The following CNTNAP5 variants were observed in gnomAD, a reference collection of about 807,000 sequenced individuals.
CNTNAP5 encodes the protein contactin associated protein family member 5, also known as contactin-associated protein-like 5.
CNTNAP5 carries 72 observed loss-of-function variants against 150.2 expected under a neutral mutation model. That is an observed-to-expected ratio of 0.48 (90% confidence interval 0.40 to 0.58). The LOEUF is 0.58. CNTNAP5 is among the 20% of genes least tolerant of loss of function. CNTNAP5 has a pLI of 0.00. For missense variants in CNTNAP5, 1,636 were observed against 1,626.2 expected (o/e 1.01, Z -0.10); for synonymous variants, 672 against 619.8 (o/e 1.08, Z -1.25).
intron 13 of CNTNAP5, among the ~76,000 whole-genome samples, chr2:124,697,862 C>T (rs1679436147): frequency 6.6e-6 from 1 of 152,152 alleles, no homozygotes; most frequent in Non-Finnish European, 1.5e-5. Context: ...TACATTATTT[C>T]AGCACCCTTA....
intron 7 of CNTNAP5, among the ~76,000 whole-genome samples, chr2:124,483,435 A>G (rs1191060084): frequency 6.6e-6 from 1 of 152,208 alleles, no homozygotes; most frequent in East Asian, 1.9e-4. Context: ...CATACCCTCC[A>G]TGCCTTATCA....
intron 1 of CNTNAP5, among the ~76,000 whole-genome samples, chr2:124,122,973 G>GCTGC (rs1211358566): frequency 1.3e-5 from 2 of 152,080 alleles, no homozygotes; most frequent in Non-Finnish European, 2.9e-5. Flanking sequence ...AATAGGAACA[G>GCTGC]CTGCAGTCTA....
chr2:124,316,606 C>A (rs539504780), intron 3 of CNTNAP5, among the ~76,000 whole-genome samples: 1 of 151,862 alleles, frequency 6.6e-6, no homozygotes, highest in South Asian at 2.1e-4. Flanking sequence ...GAGATTGAGA[C>A]TATCCTGGCT....
At chr2:124,864,575 A>T (rs1035100206) in intron 19 of CNTNAP5, among the ~76,000 whole-genome samples, 2 of 3,968 alleles carry the variant, frequency 5.0e-4, no homozygotes, top group South Asian at 0.012. Context: ...TCTGTGTCTC[A>T]CACACACACA....
At chr2:124,238,187 G>T (rs1027955023) in intron 2 of CNTNAP5, among the ~76,000 whole-genome samples, 1 of 152,152 alleles carries the variant, frequency 6.6e-6, no homozygotes, top group African/African-American at 2.4e-5. Context: ...TTGAGAGGCC[G>T]CTTGTAGCCC....
chr2:124,669,466 G>A (rs778566853), intron 13 of CNTNAP5, among the ~76,000 whole-genome samples: 1 of 152,112 alleles, frequency 6.6e-6, no homozygotes. Flanking sequence ...CTCCTTCCAC[G>A]TTAAACAAGA....
intron 3 of CNTNAP5, among the ~76,000 whole-genome samples, chr2:124,267,897 A>G (rs1485983978): frequency 6.6e-6 from 1 of 152,208 alleles, no homozygotes; most frequent in Non-Finnish European, 1.5e-5. Flanking sequence ...TAAAATATGC[A>G]GCTTCCGAGG....
chr2:124,079,739 G>A (rs1383711470), intron 1 of CNTNAP5, among the ~76,000 whole-genome samples: 1 of 152,174 alleles, frequency 6.6e-6, no homozygotes, highest in Non-Finnish European at 1.5e-5. Context: ...ACGTGTGTGT[G>A]TGCTGAGTCT....
intron 13 of CNTNAP5, among the ~76,000 whole-genome samples, chr2:124,746,016 A>G (rs776887913): frequency 8.5e-5 from 13 of 152,238 alleles, no homozygotes; most frequent in Non-Finnish European, 1.8e-4. Context: ...CATGTAAACT[A>G]GAATCTTGAT....
intron 3 of CNTNAP5, among the ~76,000 whole-genome samples, chr2:124,401,299 G>A (rs1029775310): frequency 2.0e-5 from 3 of 152,170 alleles, no homozygotes; most frequent in Non-Finnish European, 2.9e-5. Flanking sequence ...ATCTTTACAT[G>A]CACAACGCCT....
intron 1 of CNTNAP5, among the ~76,000 whole-genome samples, chr2:124,183,027 C>G (rs752185415): frequency 1.2e-4 from 18 of 152,300 alleles, no homozygotes; most frequent in Non-Finnish European, 2.4e-4. Flanking sequence ...GGAAGACCCT[C>G]CACCTTTTGC....
intron 1 of CNTNAP5, among the ~76,000 whole-genome samples, chr2:124,216,838 C>T (rs1477834187): frequency 6.6e-6 from 1 of 152,084 alleles, no homozygotes; most frequent in Non-Finnish European, 1.5e-5. Flanking sequence ...TGAATAGTGC[C>T]TCAATAAACA....
At chr2:124,715,744 A>G (rs968592163) in intron 13 of CNTNAP5, among the ~76,000 whole-genome samples, 3 of 152,160 alleles carry the variant, frequency 2.0e-5, no homozygotes, top group African/African-American at 7.2e-5. Context: ...TGCAATCTTC[A>G]TCTGGGTGAC....
At chr2:124,846,858 G>T (rs10168614) in intron 19 of CNTNAP5, among the ~76,000 whole-genome samples, 1 of 152,100 alleles carries the variant, frequency 6.6e-6, no homozygotes, top group African/African-American at 2.4e-5. Context: ...GTCTAGCCAC[G>T]CAGTAGAGCT....
chr2:124,638,094 GTGTT>G (rs1056918825), intron 12 of CNTNAP5, among the ~76,000 whole-genome samples: 9 of 151,610 alleles, frequency 5.9e-5, no homozygotes, highest in Non-Finnish European at 1.3e-4. Context: ...GTGTGTGTGT[GTGTT>G]TATGAGTTCA....
chr2:124,332,426 C>G (rs549566925), intron 3 of CNTNAP5, among the ~76,000 whole-genome samples: 1 of 151,122 alleles, frequency 6.6e-6, no homozygotes, highest in Admixed American at 6.6e-5. Context: ...CAATTTTATA[C>G]TTTCTATAAA....
At chr2:124,523,879 G>C (rs979388691) in intron 8 of CNTNAP5, among the ~76,000 whole-genome samples, 1 of 151,884 alleles carries the variant, frequency 6.6e-6, no homozygotes, top group African/African-American at 2.4e-5. Flanking sequence ...TAAAATTGTA[G>C]GAAAGTATGA....
intron 8 of CNTNAP5, among the ~76,000 whole-genome samples, chr2:124,510,212 A>G (rs895395540): frequency 9.9e-5 from 13 of 131,300 alleles, no homozygotes; most frequent in Non-Finnish European, 2.0e-4. Flanking sequence ...CATCTAAGAA[A>G]CAAACAAAAA....
chr2:124,569,540 C>T (rs904742133), intron 11 of CNTNAP5, among the ~76,000 whole-genome samples: 2 of 152,168 alleles, frequency 1.3e-5, no homozygotes, highest in African/African-American at 4.8e-5. Flanking sequence ...TTAGTGATTA[C>T]TGTCACATTG....
Sources: gnomAD v4.1 joint callset for allele counts (sites outside exome capture counted in the v4.1 genomes callset) on GRCh38, gnomAD v4.1.1 for gene constraint, MANE v1.5 for transcripts, NCBI Gene and HGNC (gene_info 2026-07-23, HGNC 2026-07-21) for gene names.